TSHZ2: variants seen among roughly 807,000 people sequenced by gnomAD.
TSHZ2 encodes the protein teashirt zinc finger homeobox 2.
TSHZ2 carries 21 observed loss-of-function variants against 74.4 expected under a neutral mutation model. That is an observed-to-expected ratio of 0.28 (90% CI 0.20 to 0.41). TSHZ2 has a LOEUF of 0.41. TSHZ2 is among the 10% of genes least tolerant of loss of function. TSHZ2 has a pLI of 1.00. For synonymous variants in TSHZ2, 540 were observed against 515.3 expected (o/e 1.05, Z -0.65); for missense variants, 1,244 against 1,293.5 (o/e 0.96, Z 0.59).
At chr20:53,163,543 G>C (rs1478180085) in intron 1 of TSHZ2, among the ~76,000 whole-genome samples, 1 of 151,512 alleles carries the variant, frequency 6.6e-6, no homozygotes, top group Non-Finnish European at 1.5e-5. Context: ...ATGCTGGTGC[G>C]CTGCACCCAC....
intron 1 of TSHZ2, among the ~76,000 whole-genome samples, chr20:53,102,163 A>T (rs1035141978): frequency 1.3e-5 from 2 of 152,188 alleles, no homozygotes; most frequent in Non-Finnish European, 2.9e-5. Context: ...GATTTCCTGT[A>T]TTGGATAAAT....
chr20:53,004,368 TGAAATCGGTCA>T (rs1982559528), intron 1 of TSHZ2, among the ~76,000 whole-genome samples: 1 of 152,154 alleles, frequency 6.6e-6, no homozygotes, highest in Non-Finnish European at 1.5e-5. Context: ...CTAGTGAAGC[TGAAATCGGTCA>T]AGCTTCCTGA....
chr20:53,087,418 G>C (rs1054417508), intron 1 of TSHZ2, among the ~76,000 whole-genome samples: 7 of 152,132 alleles, frequency 4.6e-5, no homozygotes, highest in African/African-American at 1.4e-4. Flanking sequence ...TCGATCCTTG[G>C]CCCAAAGTTC....
At chr20:53,168,595 T>C (rs1988116615) in intron 1 of TSHZ2, 1 of 152,246 alleles carries the variant, frequency 6.6e-6, no homozygotes, top group Admixed American at 6.5e-5. Flanking sequence ...TGTCTCCTTG[T>C]ATTAGGATAA....
intron 1 of TSHZ2, among the ~76,000 whole-genome samples, chr20:53,024,102 A>ATT (rs151336998): frequency 0.084 from 12,473 of 148,852 alleles, 617 homozygotes; most frequent in East Asian, 0.17. Context: ...CCACCCTCTT[A>ATT]TTTTTTTTTT....
At chr20:53,005,302 A>T (rs1568715516) in intron 1 of TSHZ2, among the ~76,000 whole-genome samples, 1 of 151,988 alleles carries the variant, frequency 6.6e-6, no homozygotes, top group African/African-American at 2.4e-5. Context: ...ACAGAGAGAG[A>T]CTCTGTCTCA....
chr20:53,023,749 T>G (rs1026621517), intron 1 of TSHZ2, among the ~76,000 whole-genome samples: 1 of 152,182 alleles, frequency 6.6e-6, no homozygotes, highest in African/African-American at 2.4e-5. Context: ...TATTCAAACC[T>G]GTGGGAAACA....
intron 2 of TSHZ2, among the ~76,000 whole-genome samples, chr20:53,431,294 T>A (rs565768766): frequency 6.6e-6 from 1 of 151,926 alleles, no homozygotes; most frequent in Non-Finnish European, 1.5e-5. Flanking sequence ...CCATCTCTAC[T>A]AAAAATACAA....
At chr20:53,309,646 A>G in intron 2 of TSHZ2, among the ~76,000 whole-genome samples, 1 of 152,202 alleles carries the variant, frequency 6.6e-6, no homozygotes, top group East Asian at 1.9e-4. Context: ...GCATGCTACC[A>G]ATGGAGTGAT....
chr20:53,390,394 C>T (rs1378056578), intron 2 of TSHZ2, among the ~76,000 whole-genome samples: 1 of 152,128 alleles, frequency 6.6e-6, no homozygotes, highest in Non-Finnish European at 1.5e-5. Context: ...AGTTATCCAC[C>T]TAGGACATAT....
intron 1 of TSHZ2, among the ~76,000 whole-genome samples, chr20:53,114,349 C>A (rs1260839474): frequency 2.6e-5 from 4 of 152,154 alleles, no homozygotes; most frequent in Admixed American, 1.3e-4. Flanking sequence ...TTGAGCCTAA[C>A]TAGCTGCTGA....
At chr20:53,212,269 G>A (rs1024992285) in intron 1 of TSHZ2, among the ~76,000 whole-genome samples, 3 of 152,134 alleles carry the variant, frequency 2.0e-5, no homozygotes, top group East Asian at 1.9e-4. Context: ...ACATACTTGC[G>A]GATATTTGAG....
chr20:53,045,145 G>A (rs952870622), intron 1 of TSHZ2, among the ~76,000 whole-genome samples: 2 of 152,152 alleles, frequency 1.3e-5, no homozygotes, highest in African/African-American at 4.8e-5. Flanking sequence ...TCAACTGAGG[G>A]CTTCTTCTGG....
intron 1 of TSHZ2, among the ~76,000 whole-genome samples, chr20:53,156,200 C>G (rs747161048): frequency 2.6e-5 from 4 of 151,952 alleles, no homozygotes; most frequent in Non-Finnish European, 4.4e-5. Context: ...TTCTTTTTAC[C>G]CATATCTCTA....
chr20:53,419,798 C>T (rs1375838909), intron 2 of TSHZ2, among the ~76,000 whole-genome samples: 1 of 152,232 alleles, frequency 6.6e-6, no homozygotes. Flanking sequence ...CTGTGGCCAC[C>T]TTGCTGGGGC....
At chr20:53,031,254 G>A (rs1406177103) in intron 1 of TSHZ2, among the ~76,000 whole-genome samples, 1 of 152,168 alleles carries the variant, frequency 6.6e-6, no homozygotes, top group Non-Finnish European at 1.5e-5. Flanking sequence ...TGCTATCGCA[G>A]CCTGTCATGT....
At chr20:53,054,913 T>C (rs1322631872) in intron 1 of TSHZ2, among the ~76,000 whole-genome samples, 1 of 152,128 alleles carries the variant, frequency 6.6e-6, no homozygotes, top group Non-Finnish European at 1.5e-5. Context: ...AGGAGGTGTT[T>C]TTGCTTAGTT....
chr20:53,255,733 G>A lies in TSHZ2; in HGVS notation c.2275G>A (p.Glu759Lys). The change falls in exon 2 of 3, where the codon GAG (glutamate) becomes AAG (lysine). Residue 759 changes from glutamate to lysine, a missense_variant. By Grantham distance (56) the Glu-to-Lys change is moderately conservative (BLOSUM62 1). This residue lies in a region of TSHZ2 where 562 missense variants were observed against 544.0 expected (regional missense o/e 1.03). Transcript: ENST00000371497. This position sits in a 1 kb window ranked among gnomAD's most constrained non-coding sequence, Gnocchi z 4.1. Reference protein sequence around the residue: ...SASVSRRYLFENSDQPIDLTK... With the variant: ...SASVSRRYLFKNSDQPIDLTK... ...CAGCGTGTCCAGGCGCTACCTGTTT[G>A]AGAACAGCGATCAGCCCATTGACCT... The A allele has an allele frequency of 6.2e-7, 1 of 1,613,058 alleles. No homozygotes were observed. Among genetic ancestry groups the A allele is most frequent in the Non-Finnish European group, 8.5e-7 (1 of 1,179,550 alleles).
intron 1 of TSHZ2, among the ~76,000 whole-genome samples, chr20:52,999,736 T>C (rs1022802705): frequency 6.6e-6 from 1 of 152,200 alleles, no homozygotes. Context: ...CAGCTTTTCC[T>C]TGGGCAAACT....
Sources: allele counts gnomAD v4.1 joint callset (sites outside exome capture counted in the v4.1 genomes callset), GRCh38; gene constraint gnomAD v4.1.1; regional missense constraint gnomAD v4.1.1; non-coding constraint Gnocchi (gnomAD v3.1); transcripts MANE v1.5; gene names NCBI Gene and HGNC (gene_info 2026-07-23, HGNC 2026-07-21).